Variants in AUTS2 observed in about 807,000 individuals in gnomAD.
The protein encoded by AUTS2 is activator of transcription and developmental regulator AUTS2, also known as autism susceptibility gene 2 protein.
A neutral mutation model predicts 112.4 loss-of-function variants in AUTS2; 17 were observed. The observed-to-expected ratio is 0.15, with a 90% confidence interval of 0.10 to 0.23. The LOEUF (loss-of-function observed/expected upper bound fraction) is 0.23, where lower values mean the gene tolerates loss of function less well. Among genes scored for constraint, AUTS2 ranks in the 10% least tolerant of loss-of-function variants. The pLI is 1.00. For missense variants in AUTS2, 1,510 were observed against 1,701.6 expected (o/e 0.89, Z 1.98); for synonymous variants, 751 against 702.7 (o/e 1.07, Z -1.09).
intron 4 of AUTS2, among the ~76,000 whole-genome samples, chr7:70,186,672 G>T (rs1008017995): frequency 1.7e-4 from 26 of 152,238 alleles, no homozygotes; most frequent in African/African-American, 6.0e-4. Flanking sequence ...TGGGTTGAAG[G>T]ATTCTCCTGC....
At chr7:70,478,820 A>G (rs1190309826) in intron 5 of AUTS2, among the ~76,000 whole-genome samples, 2 of 152,162 alleles carry the variant, frequency 1.3e-5, no homozygotes, top group East Asian at 1.9e-4. Flanking sequence ...GTTAATACAT[A>G]TAAGATCATC....
intron 2 of AUTS2, among the ~76,000 whole-genome samples, chr7:70,100,291 C>T (rs1432981504): frequency 6.6e-6 from 1 of 152,144 alleles, no homozygotes; most frequent in Non-Finnish European, 1.5e-5. Context: ...TGCTTTAGGA[C>T]ACTTTTCTGG....
chr7:70,510,792 T>A (rs1799150337), intron 5 of AUTS2, among the ~76,000 whole-genome samples: 2 of 152,264 alleles, frequency 1.3e-5, no homozygotes, highest in East Asian at 3.9e-4. Flanking sequence ...TTGTTATTTT[T>A]AAATGAATAA....
intron 2 of AUTS2, among the ~76,000 whole-genome samples, chr7:69,930,922 T>A (rs1219744897): frequency 6.6e-6 from 1 of 152,210 alleles, no homozygotes; most frequent in Non-Finnish European, 1.5e-5. Context: ...CAGTGCCATC[T>A]TTAAGGTGAG....
intron 2 of AUTS2, among the ~76,000 whole-genome samples, chr7:70,103,971 C>CACT (rs1309133100): frequency 6.6e-6 from 1 of 151,074 alleles, no homozygotes; most frequent in African/African-American, 2.4e-5. Context: ...ATGTGTACAA[C>CACT]ATTATTATCA....
intron 2 of AUTS2, among the ~76,000 whole-genome samples, chr7:69,925,270 C>A (rs1795964256): frequency 1.3e-5 from 2 of 151,852 alleles, no homozygotes; most frequent in Admixed American, 1.3e-4. Flanking sequence ...CATTGATTTC[C>A]TTCTTTCTGC....
intron 6 of AUTS2, among the ~76,000 whole-genome samples, chr7:70,709,767 G>A (rs1563143506): frequency 6.6e-6 from 1 of 152,166 alleles, no homozygotes; most frequent in Admixed American, 6.5e-5. Flanking sequence ...CTTCTGCTGA[G>A]GGCACACATT....
At chr7:70,781,529 TCA>T (rs1791079909) in intron 14 of AUTS2, 84 bp from the exon 15 acceptor site, 3 of 1,512,924 alleles carry the variant, frequency 2.0e-6, no homozygotes, top group East Asian at 4.6e-5. Context: ...AGTGCACCGT[TCA>T]CAGTCTCCAG....
chr7:70,232,631 G>A (rs978909290), intron 4 of AUTS2, among the ~76,000 whole-genome samples: 6 of 152,064 alleles, frequency 3.9e-5, no homozygotes, highest in South Asian at 2.1e-4. Context: ...CGCTTGCCTC[G>A]GCCTCTCAAA....
At chr7:70,290,291 A>G in intron 4 of AUTS2, 1 of 1,330,230 alleles carries the variant, frequency 7.5e-7, no homozygotes, top group Non-Finnish European at 9.7e-7. Context: ...TGTAAAAAAA[A>G]CATTTAGCAC....
At chr7:70,658,373 G>T (rs992125906) in intron 5 of AUTS2, among the ~76,000 whole-genome samples, 7 of 152,370 alleles carry the variant, frequency 4.6e-5, no homozygotes, top group Non-Finnish European at 8.8e-5. Context: ...CACAGAGGAA[G>T]TAGGTGCCAG....
intron 2 of AUTS2, among the ~76,000 whole-genome samples, chr7:70,090,933 C>T (rs1803884627): frequency 6.6e-6 from 1 of 152,150 alleles, no homozygotes; most frequent in Non-Finnish European, 1.5e-5. Flanking sequence ...CCCACCTCTG[C>T]CTCCCAAAGT....
intron 4 of AUTS2, among the ~76,000 whole-genome samples, chr7:70,231,010 T>C (rs1042299199): frequency 2.6e-5 from 4 of 152,262 alleles, no homozygotes; most frequent in Non-Finnish European, 4.4e-5. Context: ...ACTAAAGTGC[T>C]ATAGACTCTC....
chr7:69,837,037 C>T (rs545438515), intron 1 of AUTS2, among the ~76,000 whole-genome samples: 5 of 152,142 alleles, frequency 3.3e-5, no homozygotes, highest in South Asian at 2.1e-4. Flanking sequence ...ACCTTGACTG[C>T]GCTTGGGATA....
intron 2 of AUTS2, among the ~76,000 whole-genome samples, chr7:70,022,026 GTGTT>G (rs1218076109): frequency 2.0e-5 from 3 of 151,348 alleles, no homozygotes; most frequent in Admixed American, 6.6e-5. Context: ...TATTTAAAAG[GTGTT>G]TGTGGTGAGA....
intron 1 of AUTS2, among the ~76,000 whole-genome samples, chr7:69,651,509 T>C (rs1021257224): frequency 2.6e-5 from 4 of 152,058 alleles, no homozygotes; most frequent in African/African-American, 7.3e-5. Flanking sequence ...TATGGCTCTG[T>C]GGGGTGAGAA....
chr7:70,753,895 G>A (rs568176448), intron 6 of AUTS2, among the ~76,000 whole-genome samples: 5 of 152,212 alleles, frequency 3.3e-5, no homozygotes, highest in South Asian at 2.1e-4. Flanking sequence ...GGTGGCTCAC[G>A]CCTGTAATCC....
chr7:70,693,386 A>G (rs891882143), intron 5 of AUTS2, among the ~76,000 whole-genome samples: 1 of 152,214 alleles, frequency 6.6e-6, no homozygotes, highest in Non-Finnish European at 1.5e-5. Context: ...GGTGAATGCC[A>G]GGGGAAGCAA....
chr7:69,787,127 A>G (rs1482316689), intron 1 of AUTS2, among the ~76,000 whole-genome samples: 1 of 152,240 alleles, frequency 6.6e-6, no homozygotes, highest in Non-Finnish European at 1.5e-5. Flanking sequence ...TTCCCTCTCT[A>G]ATGGTTTTCC....
Sources: allele counts gnomAD v4.1 joint callset (sites outside exome capture counted in the v4.1 genomes callset), GRCh38; gene constraint gnomAD v4.1.1; transcripts MANE v1.5; gene names NCBI Gene and HGNC (gene_info 2026-07-23, HGNC 2026-07-21).